DAGLB: variants seen among roughly 807,000 people sequenced by gnomAD.
DAGLB encodes the protein diacylglycerol lipase-beta.
Under a neutral mutation model 72.1 loss-of-function variants are expected in DAGLB, and 66 were observed. That is an observed-to-expected ratio of 0.92 (90% CI 0.75 to 1.12). The LOEUF is 1.12. Among genes scored for constraint, DAGLB ranks in the 50% most tolerant of loss-of-function variants. The probability of loss-of-function intolerance (pLI) is 0.00; values close to 1 mark genes in which losing one functional copy is unlikely to be tolerated. For missense variants in DAGLB, 1,065 were observed against 884.9 expected, an observed-to-expected ratio of 1.20 and a Z score of -2.58; for synonymous variants, 414 against 359.5, an observed-to-expected ratio of 1.15 and a Z score of -1.71.
chr7:6,428,315 C>CAAAAAAAAAAAAAAAAAA (rs749361631), intron 6 of DAGLB, among the ~76,000 whole-genome samples: 1 of 76,992 alleles, frequency 1.3e-5, no homozygotes, highest in Non-Finnish European at 2.6e-5. Flanking sequence ...GACTCTGTCT[C>CAAAAAAAAAAAAAAAAAA]AAAAAAAAAA....
At chr7:6,436,828 T>C (rs958319822) in intron 2 of DAGLB, among the ~76,000 whole-genome samples, 5 of 151,766 alleles carry the variant, frequency 3.3e-5, no homozygotes, top group Non-Finnish European at 4.4e-5. Context: ...GGTATACTTC[T>C]GAGAGGAAAA....
chr7:6,442,142 C>G (rs1784856140), intron 2 of DAGLB, among the ~76,000 whole-genome samples: 1 of 152,180 alleles, frequency 6.6e-6, no homozygotes, highest in African/African-American at 2.4e-5. Context: ...GGTCACGTGT[C>G]CATTCCTGAA....
At chr7:6,428,152 C>T (rs1037512095) in intron 6 of DAGLB, among the ~76,000 whole-genome samples, 7 of 151,894 alleles carry the variant, frequency 4.6e-5, no homozygotes, top group Admixed American at 1.3e-4. Flanking sequence ...TTCGACCAGC[C>T]TGGCCAACAC....
At chr7:6,446,446 C>G (rs1325912211) in intron 1 of DAGLB, among the ~76,000 whole-genome samples, 2 of 120,494 alleles carry the variant, frequency 1.7e-5, no homozygotes, top group East Asian at 5.4e-4. Flanking sequence ...TCACTGCACT[C>G]CAGCCTGGGC....
At position 6,434,843 on chromosome 7, in the gene DAGLB, G is replaced by A. The variant is rs767607430; in HGVS notation, c.597C>T (p.Leu199=). 2.5e-6 allele frequency: 4 copies of A among 1,614,174 alleles called. No individual in the cohort carries two copies. Among genetic ancestry groups the A allele is most frequent in the South Asian group, 2.2e-5 (2 of 91,088 alleles). Reference sequence around the variant, plus strand: ...CGTCTTTCCCAATGCAACAGCACAAGAGCTTGATTCTGGTTTCCCACACGC... The same window carrying A: ...CGTCTTTCCCAATGCAACAGCACAAAAGCTTGATTCTGGTTTCCCACACGC... ...ATSVWETRIK[L]LCCCIGKDDH... is the part of the protein sequence containing the mutation. Residue 199 remains leucine (L), a synonymous_variant, in exon 4 of 15, where the codon CTC becomes CTT. Coordinates refer to ENST00000297056, the MANE Select transcript of DAGLB (RefSeq NM_139179.4).
At chr7:6,435,959 C>A (rs1193451471) in intron 3 of DAGLB, among the ~76,000 whole-genome samples, 1 of 152,080 alleles carries the variant, frequency 6.6e-6, no homozygotes, top group Non-Finnish European at 1.5e-5. Context: ...ATATTATTCC[C>A]TGTCCCACTT....
chr7:6,412,042 GTAGC>G (rs1485748549), intron 13 of DAGLB, among the ~76,000 whole-genome samples: 1 of 152,032 alleles, frequency 6.6e-6, no homozygotes, highest in Admixed American at 6.6e-5. Flanking sequence ...AGCCTACCAA[GTAGC>G]TGGGATTACA....
chr7:6,428,695 C>T (rs1027998354), intron 6 of DAGLB, among the ~76,000 whole-genome samples: 1 of 152,132 alleles, frequency 6.6e-6, no homozygotes, highest in African/African-American at 2.4e-5. Flanking sequence ...CCGTGTTGGT[C>T]AGGATGGTCT....
At chr7:6,442,073 G>C (rs1784854302) in intron 2 of DAGLB, among the ~76,000 whole-genome samples, 1 of 152,128 alleles carries the variant, frequency 6.6e-6, no homozygotes, top group African/African-American at 2.4e-5. Context: ...AGAGGGGCAA[G>C]GAAGCACTTC....
chr7:6,416,599 C>A, intron 11 of DAGLB, 28 bp downstream of exon 11: 1 of 1,569,840 alleles, frequency 6.4e-7, no homozygotes, highest in Admixed American at 2.0e-5. Context: ...AAGTAGCAAG[C>A]TGTTAGAGCA....
At chr7:6,447,685 G>A in intron 1 of DAGLB, 63 bp downstream of exon 1, 2 of 1,557,990 alleles carry the variant, frequency 1.3e-6, no homozygotes, top group Non-Finnish European at 1.7e-6. Flanking sequence ...CCGTCTCAAG[G>A]GACAGCTCGC....
chr7:6,441,212 T>G (rs1784820173), intron 2 of DAGLB, among the ~76,000 whole-genome samples: 2 of 149,936 alleles, frequency 1.3e-5, no homozygotes. Flanking sequence ...TGGCTCAGCC[T>G]CCCAAGTAGC....
chr7:6,410,474 G>A (rs1783685797), intron 13 of DAGLB, 94 bp from the exon 14 acceptor site: 2 of 1,499,278 alleles, frequency 1.3e-6, no homozygotes, highest in South Asian at 2.7e-5. Flanking sequence ...ACAGGAATCT[G>A]CCCTTTGACC....
intron 2 of DAGLB, among the ~76,000 whole-genome samples, chr7:6,443,216 C>A (rs1455341780): frequency 2.0e-3 from 83 of 41,654 alleles, no homozygotes; most frequent in African/African-American, 2.6e-3. Flanking sequence ...ACAAAAAAAA[C>A]AAAACAAAAC....
chr7:6,442,851 G>C (rs189869591), intron 2 of DAGLB, among the ~76,000 whole-genome samples: 1 of 152,114 alleles, frequency 6.6e-6, no homozygotes, highest in East Asian at 1.9e-4. Context: ...TCAGGAGTTC[G>C]AGACCAGCCT....
chr7:6,412,103 C>T (rs574552714), intron 13 of DAGLB, among the ~76,000 whole-genome samples: 27 of 152,178 alleles, frequency 1.8e-4, no homozygotes, highest in Non-Finnish European at 3.4e-4. Flanking sequence ...TTACTAGAGA[C>T]GGGGTTTTGC....
At chr7:6,441,381 G>A (rs1296166749) in intron 2 of DAGLB, among the ~76,000 whole-genome samples, 2 of 149,654 alleles carry the variant, frequency 1.3e-5, no homozygotes, top group East Asian at 2.0e-4. Context: ...GTGAGCCACC[G>A]CGCCCGGCCA....
intron 6 of DAGLB, 105 bp from the exon 7 acceptor site, chr7:6,426,219 A>T: frequency 6.6e-7 from 1 of 1,521,008 alleles, no homozygotes; most frequent in Non-Finnish European, 8.9e-7. Context: ...CAGAGCGGAC[A>T]ATTCTCAGGA....
At chr7:6,423,068 A>G (rs1784183600) in intron 8 of DAGLB, among the ~76,000 whole-genome samples, 1 of 152,170 alleles carries the variant, frequency 6.6e-6, no homozygotes, top group African/African-American at 2.4e-5. Flanking sequence ...CCTGGGCAAC[A>G]TAGTGAGATC....
Sources: allele counts gnomAD v4.1 joint callset (sites outside exome capture counted in the v4.1 genomes callset), GRCh38; gene constraint gnomAD v4.1.1; transcripts MANE v1.5; gene names NCBI Gene and HGNC (gene_info 2026-07-23, HGNC 2026-07-21).